The following ZNF423 variants were observed in gnomAD, a reference collection of about 807,000 sequenced individuals.
ZNF423 encodes the protein Ebf-associated zinc finger protein.
Under a neutral mutation model 95.8 loss-of-function variants are expected in ZNF423, and 12 were observed. That is an observed-to-expected ratio of 0.13 (90% CI 0.08 to 0.20). The LOEUF is 0.20. Ranked by LOEUF, ZNF423 falls within the 10% of genes least tolerant of loss-of-function variation. The pLI is 1.00. For missense variants in ZNF423, 1,316 were observed against 1,737.1 expected (o/e 0.76, Z 4.31); for synonymous variants, 749 against 711.9 (o/e 1.05, Z -0.83).
At chr16:49,596,768 G>A (rs1370942674) in intron 5 of ZNF423, among the ~76,000 whole-genome samples, 3 of 152,168 alleles carry the variant, frequency 2.0e-5, no homozygotes, top group Admixed American at 6.5e-5. Flanking sequence ...GCATCAGCCC[G>A]GGAAGGTGGC....
intron 5 of ZNF423, among the ~76,000 whole-genome samples, chr16:49,538,287 T>C (rs1428742632): frequency 6.6e-6 from 1 of 152,208 alleles, no homozygotes; most frequent in Non-Finnish European, 1.5e-5. Context: ...ATGTGAGCAG[T>C]GCCAGGCCCA....
chr16:49,500,233 AC>A (rs1967340329), intron 7 of ZNF423, among the ~76,000 whole-genome samples: 1 of 152,086 alleles, frequency 6.6e-6, no homozygotes, highest in South Asian at 2.1e-4. Flanking sequence ...AGGTGGGGGT[AC>A]CCTGTGGCTA....
At chr16:49,707,604 G>A (rs569377449) in intron 3 of ZNF423, among the ~76,000 whole-genome samples, 35 of 140,752 alleles carry the variant, frequency 2.5e-4, no homozygotes, top group Non-Finnish European at 4.4e-4. Context: ...GCGACAGAGT[G>A]AGACTGTCTC....
chr16:49,759,333 A>G (rs1237169326), intron 2 of ZNF423, among the ~76,000 whole-genome samples: 3 of 151,696 alleles, frequency 2.0e-5, no homozygotes, highest in Non-Finnish European at 4.4e-5. Context: ...CGGGAGGCGG[A>G]GGTTGCGGTG....
chr16:49,809,619 G>A (rs1597029561), intron 1 of ZNF423, among the ~76,000 whole-genome samples: 3 of 152,318 alleles, frequency 2.0e-5, no homozygotes, highest in East Asian at 1.9e-4. Context: ...CTGCACCTGC[G>A]AGAACAGATG....
At chr16:49,835,661 G>A (rs375736083) in intron 1 of ZNF423, among the ~76,000 whole-genome samples, 36 of 152,322 alleles carry the variant, frequency 2.4e-4, no homozygotes, top group African/African-American at 7.2e-4. Context: ...AAAAAGGGAC[G>A]CAACCACCCA....
intron 3 of ZNF423, among the ~76,000 whole-genome samples, chr16:49,672,740 C>G (rs112857731): frequency 6.6e-6 from 1 of 152,162 alleles, no homozygotes; most frequent in Non-Finnish European, 1.5e-5. Context: ...CACTTGAAAC[C>G]CCAGGCAACG....
At chr16:49,777,103 AC>A (rs879832375) in intron 2 of ZNF423, among the ~76,000 whole-genome samples, 12 of 152,148 alleles carry the variant, frequency 7.9e-5, no homozygotes, top group African/African-American at 1.7e-4. Flanking sequence ...GTGTGTGCAT[AC>A]CTGTGTCTGC....
chr16:49,675,846 C>A (rs781638208), intron 3 of ZNF423, among the ~76,000 whole-genome samples: 1 of 152,138 alleles, frequency 6.6e-6, no homozygotes, highest in Non-Finnish European at 1.5e-5. Context: ...ACACACGAGC[C>A]TGTGTGCACA....
intron 2 of ZNF423, among the ~76,000 whole-genome samples, chr16:49,750,564 G>T (rs947707295): frequency 2.6e-5 from 4 of 152,204 alleles, no homozygotes; most frequent in Non-Finnish European, 4.4e-5. Context: ...GAGAGGCGCA[G>T]GGGCATTTAA....
At chr16:49,650,639 A>G (rs1040080682) in intron 3 of ZNF423, among the ~76,000 whole-genome samples, 1 of 152,230 alleles carries the variant, frequency 6.6e-6, no homozygotes, top group African/African-American at 2.4e-5. Context: ...ACACCCAGGC[A>G]TCCTGGGATG....
rs956877960 is a variant in ZNF423 at position 49,562,786 on chromosome 16, AT to A, written c.3602-37293del. Among the ~76,000 whole-genome samples, 92 of 148,450 alleles carry A rather than the reference AT, an allele frequency of 6.2e-4. 1 individual carries two copies. The highest frequency in any genetic ancestry group is 1.2e-3 in the African/African-American group (49 of 40,708). On this transcript the variant is annotated intron_variant, in intron 5 of 7. Coordinates refer to ENST00000563137, the MANE Select transcript of ZNF423 (RefSeq NM_001379286.1). ...TTAAATGCCCAGCATAGCTGTAAGC[AT>A]TTTTTTTTTTGAGATGGAGTCTTGC...
intron 5 of ZNF423, among the ~76,000 whole-genome samples, chr16:49,571,893 T>C (rs1246247330): frequency 6.6e-6 from 1 of 152,208 alleles, no homozygotes; most frequent in Admixed American, 6.5e-5. Context: ...TCTTGCTTTC[T>C]TTGCTCCATA....
At chr16:49,844,168 G>A (rs1346427406) in intron 1 of ZNF423, among the ~76,000 whole-genome samples, 1 of 151,372 alleles carries the variant, frequency 6.6e-6, no homozygotes, top group East Asian at 1.9e-4. Context: ...TATAGTCCCA[G>A]CAACTCAGGA....
At chr16:49,683,182 T>G (rs2031435809) in intron 3 of ZNF423, among the ~76,000 whole-genome samples, 1 of 152,044 alleles carries the variant, frequency 6.6e-6, no homozygotes, top group Non-Finnish European at 1.5e-5. Flanking sequence ...CAACAAATAC[T>G]CAGCTCTCCC....
At chr16:49,748,060 A>C (rs1041957013) in intron 2 of ZNF423, among the ~76,000 whole-genome samples, 2 of 152,250 alleles carry the variant, frequency 1.3e-5, no homozygotes, top group African/African-American at 4.8e-5. Flanking sequence ...CTGGGCAATA[A>C]GTGAGACCTT....
At chr16:49,712,434 C>T (rs1048501306) in intron 3 of ZNF423, among the ~76,000 whole-genome samples, 1 of 152,214 alleles carries the variant, frequency 6.6e-6, no homozygotes, top group African/African-American at 2.4e-5. Context: ...AATTTGATTT[C>T]GGGAAACAAA....
At chr16:49,727,117 C>A (rs2033039996) in intron 3 of ZNF423, among the ~76,000 whole-genome samples, 1 of 152,128 alleles carries the variant, frequency 6.6e-6, no homozygotes, top group Non-Finnish European at 1.5e-5. Context: ...ATGTTTGATA[C>A]CTCATGGGTT....
At chr16:49,854,952 C>G in intron 1 of ZNF423, 1 of 985,074 alleles carries the variant, frequency 1.0e-6, no homozygotes, top group Non-Finnish European at 1.2e-6. Flanking sequence ...TGCCGGTGCC[C>G]GGGGTCAGAT....
Sources: gnomAD v4.1 joint callset for allele counts (sites outside exome capture counted in the v4.1 genomes callset) on GRCh38, gnomAD v4.1.1 for gene constraint, MANE v1.5 for transcripts, NCBI Gene and HGNC (gene_info 2026-07-23, HGNC 2026-07-21) for gene names.